Variants in FAM13C observed in about 807,000 individuals in gnomAD.
The protein encoded by FAM13C is protein FAM13C.
FAM13C carries 37 observed loss-of-function variants against 73.2 expected under a neutral mutation model. The observed-to-expected ratio is 0.51, with a 90% CI of 0.39 to 0.67. FAM13C has a LOEUF of 0.67. Among genes scored for constraint, FAM13C ranks in the 30% least tolerant of loss-of-function variants. The pLI is 0.00. For missense variants in FAM13C, 589 were observed against 715.6 expected, an observed-to-expected ratio of 0.82 and a Z score of 2.02; for synonymous variants, 246 against 260.9, an observed-to-expected ratio of 0.94 and a Z score of 0.55.
chr10:59,347,258 A>C (rs1854418832), intron 3 of FAM13C, among the ~76,000 whole-genome samples: 2 of 152,120 alleles, frequency 1.3e-5, no homozygotes, highest in African/African-American at 2.4e-5. Context: ...TTTCACTCAA[A>C]GTTGGTGCAA....
intron 4 of FAM13C, among the ~76,000 whole-genome samples, chr10:59,304,165 T>C (rs1249598455): frequency 2.0e-5 from 3 of 152,156 alleles, no homozygotes; most frequent in African/African-American, 7.2e-5. Context: ...CAGAAAAGTG[T>C]CTGTTCATGT....
At chr10:59,302,509 G>A (rs1370238302) in intron 5 of FAM13C, among the ~76,000 whole-genome samples, 3 of 152,098 alleles carry the variant, frequency 2.0e-5, no homozygotes, top group South Asian at 2.1e-4. Context: ...AACTGTCATC[G>A]CCACGGTTAT....
chr10:59,302,947 G>T (rs2133865740), intron 4 of FAM13C, 83 bp from the exon 5 acceptor site: 1 of 1,256,768 alleles, frequency 8.0e-7, no homozygotes, highest in Non-Finnish European at 1.1e-6. Context: ...TACAAATCTG[G>T]CTGTACCCCT....
chr10:59,250,841 T>C (rs1341660960), intron 13 of FAM13C, among the ~76,000 whole-genome samples: 2 of 152,240 alleles, frequency 1.3e-5, no homozygotes, highest in Admixed American at 6.5e-5. Flanking sequence ...ACATGACAGC[T>C]GTAGCTTCCC....
chr10:59,294,565 G>A (rs936390165), intron 5 of FAM13C, among the ~76,000 whole-genome samples: 2 of 152,184 alleles, frequency 1.3e-5, no homozygotes, highest in Non-Finnish European at 2.9e-5. Flanking sequence ...CTGAGGGTGA[G>A]GCTCACAGAC....
chr10:59,329,188 A>G (rs1339429161), intron 3 of FAM13C, among the ~76,000 whole-genome samples: 1 of 152,062 alleles, frequency 6.6e-6, no homozygotes, highest in East Asian at 1.9e-4. Flanking sequence ...CTTCAGATCT[A>G]TTTTTAAAAC....
intron 3 of FAM13C, among the ~76,000 whole-genome samples, chr10:59,325,886 C>T (rs935679152): frequency 5.9e-5 from 9 of 152,068 alleles, no homozygotes; most frequent in African/African-American, 2.2e-4. Context: ...GCTTATTTCA[C>T]ATTTCTATAC....
chr10:59,261,896 C>T (rs1416540916), intron 10 of FAM13C, among the ~76,000 whole-genome samples: 1 of 152,048 alleles, frequency 6.6e-6, no homozygotes, highest in African/African-American at 2.4e-5. Flanking sequence ...TGCCTGACAA[C>T]TCTATCTAGA....
In FAM13C at chr10:59,251,655, G is replaced by A. The variant is rs1841389773; in HGVS notation, c.1554C>T (p.Leu518=). 1.2e-6 allele frequency: 2 copies of A among 1,611,328 alleles called. No individual in the cohort carries two copies. Among genetic ancestry groups the A allele is most frequent in the Non-Finnish European group, 1.7e-6 (2 of 1,179,132 alleles). The change falls in exon 13 of 14, where the codon CTC becomes CTT. Residue 518 remains leucine, a synonymous_variant. Transcript: ENST00000618804. ...TCTTCTTGTCAGCCCTAGTTTCTCGGAGATGGTCAAGAAGTACAGGCCTAT... is the reference window on the plus strand; with the variant it reads ...TCTTCTTGTCAGCCCTAGTTTCTCGAAGATGGTCAAGAAGTACAGGCCTAT... ...EATMPVLLDH[L]RETRADKKRL...
At chr10:59,269,103 G>T (rs546752440) in intron 7 of FAM13C, among the ~76,000 whole-genome samples, 2 of 152,016 alleles carry the variant, frequency 1.3e-5, no homozygotes, top group East Asian at 3.9e-4. Flanking sequence ...TATGATGAAA[G>T]GATGGGCCTC....
rs543809422 is a variant in FAM13C, at chr10:59,286,315, G to T, written c.508-2868C>A. On this transcript the variant is annotated intron_variant, in intron 5 of 13. Coordinates refer to ENST00000618804, the MANE Select transcript of FAM13C (RefSeq NM_198215.4). ...GGATCACTTGAGGCCAGGAGGTTGA[G>T]ACCAGGCTGGCTAACATGGGGAAAC... Among the ~76,000 whole-genome samples the T allele has an allele frequency of 9.2e-5, 14 of 151,946 alleles. No individual in the cohort carries two copies. In the South Asian group the frequency reaches 2.5e-3, roughly 27 times the overall value.
At chr10:59,343,826 G>A (rs938100054) in intron 3 of FAM13C, among the ~76,000 whole-genome samples, 1 of 152,094 alleles carries the variant, frequency 6.6e-6, no homozygotes, top group Non-Finnish European at 1.5e-5. Context: ...AAATCACTAC[G>A]TATTTGGGTT....
chr10:59,250,181 A>G (rs1336896031), intron 13 of FAM13C, among the ~76,000 whole-genome samples: 1 of 152,222 alleles, frequency 6.6e-6, no homozygotes. Flanking sequence ...GGCAGAGATC[A>G]GGAACTTTAT....
At chr10:59,345,631 C>A (rs906781016) in intron 3 of FAM13C, among the ~76,000 whole-genome samples, 4 of 152,166 alleles carry the variant, frequency 2.6e-5, no homozygotes, top group African/African-American at 9.7e-5. Flanking sequence ...ATCTGATAGA[C>A]CACAGGAAAC....
intron 4 of FAM13C, among the ~76,000 whole-genome samples, chr10:59,312,986 T>G (rs912985284): frequency 5.3e-5 from 8 of 152,320 alleles, no homozygotes; most frequent in South Asian, 2.1e-4. Flanking sequence ...CCAATCCACT[T>G]CTTCTGACAT....
intron 4 of FAM13C, among the ~76,000 whole-genome samples, chr10:59,309,186 AATTT>A (rs1848643085): frequency 1.3e-5 from 2 of 151,952 alleles, no homozygotes; most frequent in African/African-American, 4.8e-5. Flanking sequence ...CAAGCCTCTC[AATTT>A]CTTATCCCAA....
chr10:59,322,880 A>G (rs1850512082), intron 4 of FAM13C, among the ~76,000 whole-genome samples: 1 of 152,188 alleles, frequency 6.6e-6, no homozygotes, highest in Non-Finnish European at 1.5e-5. Flanking sequence ...GCTGAATCCA[A>G]CAGGTATTAC....
chr10:59,293,888 A>G (rs1344906356), intron 5 of FAM13C, among the ~76,000 whole-genome samples: 3 of 152,220 alleles, frequency 2.0e-5, no homozygotes, highest in African/African-American at 7.2e-5. Context: ...TTAGAAGAAA[A>G]CATTTCAAAG....
intron 4 of FAM13C, among the ~76,000 whole-genome samples, chr10:59,317,106 T>C (rs1259889148): frequency 6.9e-6 from 1 of 144,810 alleles, no homozygotes; most frequent in Non-Finnish European, 1.5e-5. Context: ...TCTGTGTGTA[T>C]GTGTATGTCA....
Sources: gnomAD v4.1 joint callset for allele counts (sites outside exome capture counted in the v4.1 genomes callset) on GRCh38, gnomAD v4.1.1 for gene constraint, MANE v1.5 for transcripts, NCBI Gene and HGNC (gene_info 2026-07-23, HGNC 2026-07-21) for gene names.